Variants in KANSL1 observed in about 807,000 individuals in gnomAD.
KANSL1 encodes MLL1/MLL complex subunit KANSL1.
A neutral mutation model predicts 103.6 loss-of-function variants in KANSL1; 22 were observed. That is an observed-to-expected ratio of 0.21 (90% CI 0.15 to 0.30). KANSL1 has a LOEUF of 0.30. Among genes scored for constraint, KANSL1 ranks in the 10% least tolerant of loss-of-function variants. The pLI is 1.00. For synonymous variants in KANSL1, 600 were observed against 527.6 expected (o/e 1.14, Z -1.88); for missense variants, 1,337 against 1,399.8 (o/e 0.96, Z 0.72).
intron 1 of KANSL1, among the ~76,000 whole-genome samples, chr17:46,212,684 T>C (rs554137930): frequency 7.9e-5 from 12 of 152,228 alleles, no homozygotes; most frequent in African/African-American, 2.9e-4. Flanking sequence ...TTTCTATGTA[T>C]CTTAATTTTT....
At chr17:46,149,139 A>C (rs1291555164) in intron 2 of KANSL1, among the ~76,000 whole-genome samples, 1 of 151,902 alleles carries the variant, frequency 6.6e-6, no homozygotes, top group Non-Finnish European at 1.5e-5. Context: ...AGTAGCTGGG[A>C]CTACAGGCGC....
chr17:46,173,046 T>C (rs955748657), intron 1 of KANSL1, among the ~76,000 whole-genome samples: 1 of 152,352 alleles, frequency 6.6e-6, no homozygotes, highest in African/African-American at 2.4e-5. Flanking sequence ...AGGTGACCAG[T>C]AATCTTATTA....
intron 2 of KANSL1, among the ~76,000 whole-genome samples, chr17:46,126,391 G>A (rs111926516): frequency 0.029 from 4,462 of 152,150 alleles, 182 homozygotes; most frequent in African/African-American, 0.09. Flanking sequence ...GCAGTGAGTC[G>A]AGATCGCGCC....
chr17:46,142,917 C>T (rs2044498997), intron 2 of KANSL1, among the ~76,000 whole-genome samples: 1 of 152,118 alleles, frequency 6.6e-6, no homozygotes, highest in Non-Finnish European at 1.5e-5. Context: ...AAAAGCAAAG[C>T]CTATGTGCAC....
At chr17:46,207,937 C>G (rs1332654172) in intron 1 of KANSL1, among the ~76,000 whole-genome samples, 1 of 152,084 alleles carries the variant, frequency 6.6e-6, no homozygotes, top group African/African-American at 2.4e-5. Flanking sequence ...ATGGTGAAAC[C>G]CCGTCTCTAC....
In KANSL1 at chr17:46,067,588, G is replaced by A. The variant is rs142435060; in HGVS notation, c.1613C>T (p.Ser538Leu). ...ATTGACAGGTCTGAGTGCTCCACAT[G>A]ATTTGGTAGACAGTGACTCTGAAAT... ...GHISESLSTK[S>L]CGALRPVNGV... Residue 538 changes from serine (S) to leucine (L), a missense_variant, in exon 5 of 15, where the codon TCA becomes TTA. Physicochemically the swap from Ser to Leu is moderately radical, Grantham distance 145 (BLOSUM62 -2). Around this residue, in one of 2 missense-constraint regions of KANSL1, gnomAD observed 780 missense variants for 923.4 expected, o/e 0.84. Coordinates refer to ENST00000432791, the MANE Select transcript of KANSL1 (RefSeq NM_015443.4). 9 of 1,608,648 alleles carry A rather than the reference G, an allele frequency of 5.6e-6. No homozygotes were observed. The highest frequency in any genetic ancestry group is 7.7e-6 in the Non-Finnish European group (9 of 1,175,188).
intron 1 of KANSL1, among the ~76,000 whole-genome samples, chr17:46,175,869 C>G (rs2046496113): frequency 6.6e-6 from 1 of 152,158 alleles, no homozygotes; most frequent in African/African-American, 2.4e-5. Context: ...TGTTACAGAC[C>G]AGTTGACAGT....
At chr17:46,202,182 A>T (rs925687327) in intron 1 of KANSL1, among the ~76,000 whole-genome samples, 1 of 149,566 alleles carries the variant, frequency 6.7e-6, no homozygotes, top group East Asian at 1.9e-4. Flanking sequence ...CATCTCTTAA[A>T]GAAAAAGGTA....
chr17:46,150,172 A>G (rs2045012488), intron 2 of KANSL1, among the ~76,000 whole-genome samples: 1 of 150,508 alleles, frequency 6.6e-6, no homozygotes, highest in Non-Finnish European at 1.5e-5. Flanking sequence ...TTCTCATACT[A>G]GATTCCAAAT....
chr17:46,177,482 T>A (rs2046578662), intron 1 of KANSL1, among the ~76,000 whole-genome samples: 1 of 152,240 alleles, frequency 6.6e-6, no homozygotes, highest in Non-Finnish European at 1.5e-5. Flanking sequence ...AATTATTAAA[T>A]ATCCATACAA....
chr17:46,098,838 C>T (rs185329690), intron 2 of KANSL1, among the ~76,000 whole-genome samples: 53 of 152,346 alleles, frequency 3.5e-4, no homozygotes, highest in Non-Finnish European at 6.6e-4. Flanking sequence ...AACCACAACT[C>T]AAGCGTCCAA....
chr17:46,094,420 A>T, intron 3 of KANSL1, 140 bp downstream of exon 3: 1 of 1,055,768 alleles, frequency 9.5e-7, no homozygotes, highest in Non-Finnish European at 1.4e-6. Flanking sequence ...AAATTAAACC[A>T]CTATATCAGG....
intron 1 of KANSL1, among the ~76,000 whole-genome samples, chr17:46,212,514 C>T (rs1404770453): frequency 6.6e-6 from 1 of 152,184 alleles, no homozygotes; most frequent in Admixed American, 6.5e-5. Context: ...CCACCGCACC[C>T]GGCCAGAAAA....
chr17:46,094,169 T>C, intron 3 of KANSL1: 1 of 199,836 alleles, frequency 5.0e-6, no homozygotes. Context: ...CAATCTTGGC[T>C]CACTGCAACC....
chr17:46,187,555 TTACAGCCAGGAAAAAAAAGGGTA>T (rs2047090238), intron 1 of KANSL1, among the ~76,000 whole-genome samples: 1 of 152,012 alleles, frequency 6.6e-6, no homozygotes, highest in South Asian at 2.1e-4. Context: ...TCTAAAAAAA[TTACAGCCAGGAAAAAAAAGGGTA>T]AGTTCACAGT....
intron 1 of KANSL1, among the ~76,000 whole-genome samples, chr17:46,174,996 A>G (rs1384363376): frequency 6.6e-6 from 1 of 152,248 alleles, no homozygotes; most frequent in Non-Finnish European, 1.5e-5. Flanking sequence ...CTCAAAGTTT[A>G]TAAGAAAAAC....
chr17:46,066,031 A>T (rs931759081), intron 6 of KANSL1, among the ~76,000 whole-genome samples: 5 of 152,092 alleles, frequency 3.3e-5, no homozygotes, highest in African/African-American at 1.2e-4. Context: ...TAATTTTTAA[A>T]TACTTTGTAG....
At chr17:46,218,205 G>C (rs1403220217) in intron 1 of KANSL1, among the ~76,000 whole-genome samples, 8 of 152,196 alleles carry the variant, frequency 5.3e-5, no homozygotes, top group Non-Finnish European at 1.0e-4. Flanking sequence ...TGTTATTTAA[G>C]CCACTCAGCA....
intron 1 of KANSL1, among the ~76,000 whole-genome samples, chr17:46,202,725 G>T (rs559391827): frequency 3.9e-5 from 6 of 152,262 alleles, no homozygotes; most frequent in Admixed American, 2.0e-4. Flanking sequence ...AATCATGTAT[G>T]ATTTTCTCAA....
Sources: gnomAD v4.1 joint callset for allele counts (sites outside exome capture counted in the v4.1 genomes callset) on GRCh38, gnomAD v4.1.1 for gene constraint, gnomAD v4.1.1 regional missense constraint, MANE v1.5 for transcripts, NCBI Gene and HGNC (gene_info 2026-07-23, HGNC 2026-07-21) for gene names.